ANKS1B: variants seen among roughly 807,000 people sequenced by gnomAD.
ANKS1B encodes the protein ankyrin repeat and sterile alpha motif domain containing 1B.
A neutral mutation model predicts 148.3 loss-of-function variants in ANKS1B; 36 were observed. That is an observed-to-expected ratio of 0.24 (90% CI 0.19 to 0.32). ANKS1B has a LOEUF of 0.32. Ranked by LOEUF, ANKS1B falls within the 10% of genes least tolerant of loss-of-function variation. The pLI, the probability that ANKS1B is intolerant of heterozygous loss-of-function variation, is 1.00. For missense variants in ANKS1B, 1,157 were observed against 1,542.6 expected (o/e 0.75, Z 4.19); for synonymous variants, 542 against 560.8 (o/e 0.97, Z 0.47).
chr12:98,741,063 CTGAAGT>C (rs1307934462), downstream of ANKS1B, among the ~76,000 whole-genome samples: 1 of 152,172 alleles, frequency 6.6e-6, no homozygotes, highest in Non-Finnish European at 1.5e-5. Flanking sequence ...CTGCCTATCT[CTGAAGT>C]TCATGTTACA....
chr12:99,611,944 G>C (rs544257221), intron 9 of ANKS1B, among the ~76,000 whole-genome samples: 1 of 151,986 alleles, frequency 6.6e-6, no homozygotes, highest in Non-Finnish European at 1.5e-5. Context: ...TTTCACATAT[G>C]AGAAGTTCTC....
intron 9 of ANKS1B, among the ~76,000 whole-genome samples, chr12:99,521,502 C>A (rs536010357): frequency 1.3e-5 from 2 of 152,238 alleles, no homozygotes; most frequent in African/African-American, 4.8e-5. Context: ...GTAGTCTTCG[C>A]AGTACAGGCT....
intron 12 of ANKS1B, among the ~76,000 whole-genome samples, chr12:99,353,149 T>C (rs944711963): frequency 6.6e-6 from 1 of 152,004 alleles, no homozygotes; most frequent in South Asian, 2.1e-4. Context: ...ACCAATCTCA[T>C]TAGAGGCACC....
chr12:98,882,078 G>A (rs925988129), intron 17 of ANKS1B, among the ~76,000 whole-genome samples: 1 of 151,934 alleles, frequency 6.6e-6, no homozygotes, highest in Non-Finnish European at 1.5e-5. Flanking sequence ...AATAACTTCT[G>A]TTTAAAAATC....
intron 12 of ANKS1B, among the ~76,000 whole-genome samples, chr12:99,333,085 G>A (rs753941527): frequency 1.3e-5 from 2 of 152,074 alleles, no homozygotes; most frequent in Non-Finnish European, 2.9e-5. Context: ...TTGGGGAATG[G>A]TGATTAGCCA....
rs554115969 is a variant in ANKS1B, at chr12:99,677,140, T to A, written c.1129-21930A>T. ...TTCAAAGGGCTTATAAAAGTGAATC[T>A]TTAGCTTTCTTCTAAGTACACTTTT... On this transcript the variant is annotated intron_variant, in intron 8 of 26. Coordinates refer to ENST00000683438, the MANE Select transcript of ANKS1B (RefSeq NM_001352186.2). Among the ~76,000 whole-genome samples the A allele has an allele frequency of 3.5e-4, 53 of 152,340 alleles. 1 individual carries two copies. Among genetic ancestry groups the A allele is most frequent in the African/African-American group, 1.3e-3 (53 of 41,588 alleles).
chr12:99,666,553 T>A (rs941172648), intron 8 of ANKS1B, among the ~76,000 whole-genome samples: 3 of 152,012 alleles, frequency 2.0e-5, no homozygotes, highest in African/African-American at 7.3e-5. Context: ...GGTATATCTT[T>A]GCACGTATTA....
At chr12:99,244,180 G>A (rs1290536992) in intron 14 of ANKS1B, among the ~76,000 whole-genome samples, 162 bp downstream of exon 14, 1 of 152,044 alleles carries the variant, frequency 6.6e-6, no homozygotes, top group African/African-American at 2.4e-5. Flanking sequence ...TCTTATAACT[G>A]ATGTTGCTTA....
chr12:99,467,138 C>T (rs2096134272), intron 10 of ANKS1B, among the ~76,000 whole-genome samples: 1 of 152,148 alleles, frequency 6.6e-6, no homozygotes, highest in Admixed American at 6.5e-5. Flanking sequence ...GTTCAATATA[C>T]ACAAATCAAT....
rs544612227 is a variant in ANKS1B at position 99,735,463 on chromosome 12, A to G, written c.1128+37459T>C. Reference sequence around the variant, plus strand: ...CAATACCTTAGAAATACAAAATATCATCAGAGACTATTATTAACAGCTATA... The same window carrying G: ...CAATACCTTAGAAATACAAAATATCGTCAGAGACTATTATTAACAGCTATA... On this transcript the variant is annotated intron_variant, in intron 8 of 26. Coordinates refer to ENST00000683438, the MANE Select transcript of ANKS1B (RefSeq NM_001352186.2). 3.3e-4 allele frequency among the ~76,000 whole-genome samples: 51 copies of G among 152,284 alleles called. 1 individual carries two copies. The highest frequency in any genetic ancestry group is 1.2e-3 in the African/African-American group (51 of 41,580).
intron 1 of ANKS1B, among the ~76,000 whole-genome samples, chr12:99,981,923 C>G (rs191332596): frequency 8.5e-4 from 130 of 152,206 alleles, no homozygotes; most frequent in Non-Finnish European, 1.6e-3. Flanking sequence ...TTTCCATTAT[C>G]CTGCCAATAA....
intron 8 of ANKS1B, among the ~76,000 whole-genome samples, chr12:99,769,794 A>C (rs2063022328): frequency 6.6e-6 from 1 of 152,236 alleles, no homozygotes; most frequent in Non-Finnish European, 1.5e-5. Flanking sequence ...TACTTACCCA[A>C]CTTTATTTCC....
chr12:98,879,601 C>T (rs894032924), intron 17 of ANKS1B, among the ~76,000 whole-genome samples: 4 of 151,898 alleles, frequency 2.6e-5, no homozygotes, highest in African/African-American at 9.7e-5. Flanking sequence ...TTTTTTTCCC[C>T]TCTCCTCCAA....
intron 11 of ANKS1B, among the ~76,000 whole-genome samples, chr12:99,430,551 T>C (rs2095352145): frequency 6.6e-6 from 1 of 152,210 alleles, no homozygotes; most frequent in Non-Finnish European, 1.5e-5. Flanking sequence ...TCTGGCTTCA[T>C]GTTTCCACAA....
chr12:99,397,196 CATTT>C (rs1321206034), intron 12 of ANKS1B, among the ~76,000 whole-genome samples: 8 of 152,124 alleles, frequency 5.3e-5, no homozygotes, highest in Admixed American at 2.0e-4. Context: ...TAGTTACTAA[CATTT>C]ATTGAGCACT....
At chr12:99,178,076 A>T (rs2078624672) in intron 14 of ANKS1B, among the ~76,000 whole-genome samples, 1 of 152,062 alleles carries the variant, frequency 6.6e-6, no homozygotes, top group South Asian at 2.1e-4. Flanking sequence ...TCTGCTCATC[A>T]CTTTCAGTAT....
intron 12 of ANKS1B, among the ~76,000 whole-genome samples, chr12:99,280,875 TCTC>T (rs2078337415): frequency 7.0e-6 from 1 of 143,016 alleles, no homozygotes; most frequent in African/African-American, 2.5e-5. Flanking sequence ...TGTCTGTCTC[TCTC>T]TCTCTCTCAC....
At chr12:99,738,562 T>C (rs2153577818) in intron 8 of ANKS1B, among the ~76,000 whole-genome samples, 1 of 152,274 alleles carries the variant, frequency 6.6e-6, no homozygotes, top group South Asian at 2.1e-4. Flanking sequence ...CTGACTGACT[T>C]CTAGATAAGA....
intron 9 of ANKS1B, among the ~76,000 whole-genome samples, chr12:98,736,483 TGA>T (rs1187923885): frequency 6.6e-6 from 1 of 152,166 alleles, no homozygotes; most frequent in African/African-American, 2.4e-5. Flanking sequence ...GCGGTAAGTT[TGA>T]GATGCCCGTT....
Sources: allele counts gnomAD v4.1 joint callset (sites outside exome capture counted in the v4.1 genomes callset), GRCh38; gene constraint gnomAD v4.1.1; transcripts MANE v1.5; gene names NCBI Gene and HGNC (gene_info 2026-07-23, HGNC 2026-07-21).